Variants in CKMT1A observed in about 807,000 individuals in gnomAD.
CKMT1A encodes creatine kinase U-type, mitochondrial.
A neutral mutation model predicts 21.8 loss-of-function variants in CKMT1A; 23 were observed. The ratio of observed to expected loss-of-function variants is 1.05; its 90% CI spans 0.76 to 1.49. The LOEUF is 1.49. Among genes scored for constraint, CKMT1A ranks in the 40% most tolerant of loss-of-function variants. The pLI, the probability that CKMT1A is intolerant of heterozygous loss-of-function variation, is 0.00. For missense variants in CKMT1A, 154 were observed against 229.4 expected (o/e 0.67, Z 2.12); for synonymous variants, 67 against 80.4 (o/e 0.83, Z 0.89).
intron 6 of CKMT1A, 87 bp from the exon 7 acceptor site, chr15:43,697,927 T>C: frequency 6.4e-7 from 1 of 1,551,254 alleles, no homozygotes; most frequent in Non-Finnish European, 8.7e-7. Context: ...GACAAATTTC[T>C]AGTGTTCTTG....
chr15:43,697,043 G>T (rs1272236457), intron 6 of CKMT1A: 5 of 309,496 alleles, frequency 1.6e-5, no homozygotes, highest in Non-Finnish European at 3.2e-5. Context: ...CAAAGAAAAA[G>T]AGCTCCTCTT....
chr15:43,696,488 G>T (rs370484698), intron 6 of CKMT1A, 125 bp downstream of exon 6: 1 of 1,480,450 alleles, frequency 6.8e-7, no homozygotes, highest in Non-Finnish European at 9.2e-7. Flanking sequence ...GGACTACCTA[G>T]GACTCACTCT....
intron 6 of CKMT1A, chr15:43,697,540 C>T (rs2086466409): frequency 4.1e-6 from 4 of 984,740 alleles, no homozygotes; most frequent in Non-Finnish European, 3.6e-6. Context: ...TCTTTCTCTG[C>T]ATTCACACAG....
rs1159250436 is a variant in CKMT1A, at chr15:43,696,596, G to A, written c.876+233G>A. On this transcript the variant is annotated intron_variant, in intron 6 of 8. Transcript: ENST00000413453. Reference sequence around the variant, plus strand: ...AAGAGTGTCAGGAACCTTAGAAAGTGAAGAAGGCAGGTAATGCAAAGAAGG... The same window carrying A: ...AAGAGTGTCAGGAACCTTAGAAAGTAAAGAAGGCAGGTAATGCAAAGAAGG... The A allele has an allele frequency of 7.6e-6, 5 of 654,034 alleles. 1 individual carries two copies. Among genetic ancestry groups the A allele is most frequent in the African/African-American group, 5.5e-5 (3 of 54,160 alleles). The allele number at this position is 654,034 out of a possible 1,614,324, so 40.5% of individuals were successfully genotyped here.
At position 43,698,667 on chromosome 15, in the gene CKMT1A, G is replaced by A. The variant is rs1400280663; in HGVS notation, c.1038G>A (p.Glu346=). ...SKDSRFPKIL[E]NLRLQKRGTG... ...ATAGCCGCTTCCCAAAGATCCTGGAGAACCTAAGACTCCAAAAGCGTGGTA... is the reference window on the plus strand; with the variant it reads ...ATAGCCGCTTCCCAAAGATCCTGGAAAACCTAAGACTCCAAAAGCGTGGTA... Residue 346 remains glutamate (E), a synonymous_variant, in exon 8 of 9, where the codon GAG becomes GAA. Transcript: ENST00000413453. The A allele has an allele frequency of 1.2e-5, 19 of 1,613,374 alleles. No homozygotes were observed. In the East Asian group the frequency reaches 3.8e-4, roughly 32 times the overall value.
intron 8 of CKMT1A, 76 bp downstream of exon 8, chr15:43,698,842 G>C (rs1293898278): frequency 1.2e-6 from 2 of 1,605,704 alleles, no homozygotes; most frequent in African/African-American, 1.3e-5. Context: ...GTGAGCCTCC[G>C]GGATGTAACA....
chr15:43,698,635 C>G lies in CKMT1A; in HGVS notation c.1012-6C>G. 1.9e-6 allele frequency: 3 copies of G among 1,612,186 alleles called. No homozygotes were observed. Among genetic ancestry groups the G allele is most frequent in the Non-Finnish European group, 2.5e-6 (3 of 1,178,972 alleles). On this transcript the variant is annotated splice_region_variant and splice_polypyrimidine_tract_variant and intron_variant, in intron 7 of 8. Transcript: ENST00000413453. The stretch of plus-strand genomic sequence containing the variant: ...ACCCTGCTCCCAATCCCTATCTCCT[C>G]TCTAGGATAGCCGCTTCCCAAAGAT...
intron 6 of CKMT1A, chr15:43,697,593 T>C: frequency 1.0e-6 from 1 of 984,262 alleles, no homozygotes. Flanking sequence ...CACCTCTTCC[T>C]GGCAAAGCTT....
intron 7 of CKMT1A, 114 bp from the exon 8 acceptor site, chr15:43,698,527 A>G: frequency 6.9e-7 from 1 of 1,443,642 alleles, no homozygotes; most frequent in African/African-American, 1.4e-5. Flanking sequence ...AAAAAAAGAA[A>G]AAAGGAAAAA....
At position 43,696,340 on chromosome 15, in the gene CKMT1A, A is replaced by G. The variant is rs558234493; in HGVS notation, c.853A>G (p.Arg285Gly). The G allele has an allele frequency of 1.6e-5, 25 of 1,610,306 alleles. No homozygotes were observed. The highest frequency in any genetic ancestry group is 2.0e-5 in the Non-Finnish European group (23 of 1,178,946). Residue 285 changes from arginine (R) to glycine (G), a missense_variant, in exon 6 of 9, where the codon AGA (arginine) becomes GGA (glycine). Physicochemically the swap from Arg to Gly is moderately radical, Grantham distance 125. Transcript: ENST00000413453. ...KGGNMKRVFE[R>G]FCRGLKEVER... ...TGGTAACATGAAGAGAGTGTTTGAA[A>G]GATTCTGCCGAGGCCTCAAAGAGGT... is the stretch of plus-strand genomic sequence containing the variant.
In CKMT1A at chr15:43,698,991, G is replaced by C; in HGVS notation, c.1156G>C (p.Val386Leu). The C allele has an allele frequency of 6.2e-7, 1 of 1,613,526 alleles. No individual in the cohort carries two copies. The change falls in exon 9 of 9, where the codon GTC (valine) becomes CTC (leucine). Residue 386 changes from valine to leucine, a missense_variant. Transcript: ENST00000413453. ...GKSEVELVQL[V>L]IDGVNYLIDC... is the part of the protein sequence containing the mutation. ...CCTTCAGGTGGAGCTGGTGCAACTG[G>C]TCATCGATGGAGTAAACTATTTGAT...
In CKMT1A at chr15:43,697,284, A is replaced by C; in HGVS notation, c.877-730A>C. On this transcript the variant is annotated intron_variant, in intron 6 of 8. Coordinates refer to ENST00000413453, the MANE Select transcript of CKMT1A (RefSeq NM_001321926.2). ...GTGTTAAAGTGTTAGCTGCAATATTATTCTGGATGGAAGAGTTTCCCCCCA... is the reference window on the plus strand; with the variant it reads ...GTGTTAAAGTGTTAGCTGCAATATTCTTCTGGATGGAAGAGTTTCCCCCCA... 8 of 1,248,222 alleles carry C rather than the reference A, an allele frequency of 6.4e-6. No individual in the cohort carries two copies. The South Asian group carries it at 1.1e-4, about 18-fold the overall frequency. 77.3% of individuals were successfully genotyped at this position (1,248,222 alleles called of 1,614,324 possible). A position where few individuals can be genotyped will look rare whatever the true frequency, so the allele number is the denominator to read the frequency against.
At chr15:43,697,768 A>T in intron 6 of CKMT1A, 3 of 984,938 alleles carry the variant, frequency 3.0e-6, no homozygotes, top group Non-Finnish European at 3.6e-6. Flanking sequence ...CACGCCTTCG[A>T]GTTTTCTTCT....
intron 6 of CKMT1A, chr15:43,697,639 G>A: frequency 1.0e-6 from 1 of 984,900 alleles, no homozygotes; most frequent in Non-Finnish European, 1.2e-6. Flanking sequence ...ACCCTTCCAA[G>A]CTCTAGGCTC....
rs376832361 is a variant in CKMT1A at position 43,698,036 on chromosome 15, G to A, written c.899G>A (p.Arg300His). The A allele has an allele frequency of 4.3e-6, 7 of 1,613,244 alleles. No homozygotes were observed. Among genetic ancestry groups the A allele is most frequent in the African/African-American group, 1.3e-5 (1 of 74,790 alleles). The change falls in exon 7 of 9, where the codon CGT (arginine) becomes CAT (histidine). Residue 300 changes from arginine (R) to histidine (H), a missense_variant. Coordinates refer to ENST00000413453, the MANE Select transcript of CKMT1A (RefSeq NM_001321926.2). ...LKEVERLIQE[R>H]GWEFMWNERL... ...CAGGTGGAGAGACTTATCCAAGAAC[G>A]TGGCTGGGAGTTCATGTGGAATGAG...
At position 43,699,204 on chromosome 15, in the gene CKMT1A, G is replaced by T. The variant is rs1051037295; in HGVS notation, c.*115G>T. 5.9e-6 allele frequency: 9 copies of T among 1,526,706 alleles called. No individual in the cohort carries two copies. In the African/African-American group the frequency reaches 1.3e-4, roughly 21 times the overall value. The allele number at this position is 1,526,706 out of a possible 1,614,324, so 94.6% of individuals were successfully genotyped here. ...CATCCCCTGCCTCCATCCTAGTAAA[G>T]ACTCCTTGCTATGCTGCAGCTGTCT... On this transcript the variant is annotated 3_prime_UTR_variant, in exon 9 of 9. Transcript: ENST00000413453.
chr15:43,696,943 C>T (rs1386925170), intron 6 of CKMT1A: 2 of 297,542 alleles, frequency 6.7e-6, no homozygotes, highest in African/African-American at 2.2e-5. Context: ...TGGATTGGGT[C>T]TCCGTATTCA....
intron 4 of CKMT1A, 23 bp downstream of exon 4, chr15:43,695,932 G>A: frequency 3.3e-6 from 1 of 305,164 alleles, no homozygotes. Flanking sequence ...AGAGGGTGCT[G>A]GTTGGTGGGA....
In CKMT1A at chr15:43,698,979, C is replaced by T; in HGVS notation, c.1144C>T (p.Leu382=). Residue 382 remains leucine (L), a synonymous_variant, in exon 9 of 9, where the codon CTG becomes TTG. Transcript: ENST00000413453. The stretch of plus-strand genomic sequence containing the variant: ...AAAGATTAGTGTCCTTCAGGTGGAG[C>T]TGGTGCAACTGGTCATCGATGGAGT... The part of the protein sequence containing the change: ...LDRLGKSEVE[L]VQLVIDGVNY... The T allele has an allele frequency of 6.2e-7, 1 of 1,613,510 alleles. No homozygotes were observed. The highest frequency in any genetic ancestry group is 1.1e-5 in the South Asian group (1 of 91,048).
Sources: allele counts gnomAD v4.1 joint callset, GRCh38; gene constraint gnomAD v4.1.1; transcripts MANE v1.5; gene names NCBI Gene and HGNC (gene_info 2026-07-23, HGNC 2026-07-21).